Variants in DGKB observed in about 807,000 individuals in gnomAD.
DGKB encodes the protein diacylglycerol kinase beta.
In DGKB, 67 loss-of-function variants were observed where a neutral mutation model predicts 114.3. The observed-to-expected ratio is 0.59, with a 90% CI of 0.48 to 0.72. DGKB has a LOEUF of 0.72. DGKB is among the 30% of genes least tolerant of loss of function. The pLI is 0.00. For synonymous variants in DGKB, 398 were observed against 323.1 expected (o/e 1.23, Z -2.49); for missense variants, 907 against 975.2 (o/e 0.93, Z 0.93).
intron 17 of DGKB, among the ~76,000 whole-genome samples, chr7:14,587,178 G>A (rs1236332776): frequency 3.3e-5 from 5 of 152,064 alleles, no homozygotes; most frequent in Admixed American, 6.6e-5. Flanking sequence ...CAAAATATCA[G>A]CATTAACAAG....
intron 21 of DGKB, among the ~76,000 whole-genome samples, chr7:14,391,101 A>G (rs1821235376): frequency 1.3e-5 from 2 of 152,230 alleles, no homozygotes; most frequent in African/African-American, 4.8e-5. Flanking sequence ...TACGTTTGTT[A>G]ACTACACTTG....
Position 14,580,683 on chromosome 7 carries a change from C to T in DGKB, c.1609+179G>A, listed in dbSNP as rs554241258. 2.4e-3 allele frequency among the ~76,000 whole-genome samples: 369 copies of T among 152,270 alleles called. 1 individual carries two copies. The highest frequency in any genetic ancestry group is 0.01 in the Middle Eastern group (3 of 294). On this transcript the variant is annotated intron_variant, in intron 19 of 25. Coordinates refer to ENST00000402815, the MANE Select transcript of DGKB (RefSeq NM_001350709.2). ...CATTAAAACCCAATACCCATGGTCT[C>T]TTTTTTCCACTATTTGTTCTTCTAT...
At chr7:14,201,557 C>A (rs1405624796) in intron 23 of DGKB, among the ~76,000 whole-genome samples, 1 of 151,882 alleles carries the variant, frequency 6.6e-6, no homozygotes, top group Non-Finnish European at 1.5e-5. Context: ...GAAGGCATTG[C>A]AGTGGCCACC....
intron 23 of DGKB, among the ~76,000 whole-genome samples, chr7:14,214,791 A>C (rs543740664): frequency 6.6e-6 from 1 of 152,256 alleles, no homozygotes; most frequent in African/African-American, 2.4e-5. Flanking sequence ...AAATGCCCAA[A>C]CAGCTTCTTT....
At chr7:14,694,538 T>C (rs1823471242) in intron 8 of DGKB, among the ~76,000 whole-genome samples, 1 of 152,244 alleles carries the variant, frequency 6.6e-6, no homozygotes, top group South Asian at 2.1e-4. Flanking sequence ...CCAGAAAATG[T>C]CTGAACAAAT....
At chr7:14,186,531 G>A (rs143130452) in intron 23 of DGKB, among the ~76,000 whole-genome samples, 2 of 152,076 alleles carry the variant, frequency 1.3e-5, no homozygotes, top group East Asian at 1.9e-4. Flanking sequence ...TCTACACAAA[G>A]GAAAAGAAGT....
chr7:14,599,819 C>T (rs1357865), intron 17 of DGKB, among the ~76,000 whole-genome samples: 77,136 of 151,904 alleles, frequency 0.51, 19,989 homozygotes, highest in African/African-American at 0.6. Context: ...TATTGGTAAG[C>T]TATCATCAGT....
intron 1 of DGKB, among the ~76,000 whole-genome samples, chr7:14,902,133 G>A (rs1172201932): frequency 7.9e-5 from 12 of 152,108 alleles, no homozygotes; most frequent in Non-Finnish European, 1.2e-4. Context: ...AAGGTAAATC[G>A]AAGACTTTTG....
chr7:14,562,983 C>T (rs907118451), intron 20 of DGKB, among the ~76,000 whole-genome samples: 3 of 152,194 alleles, frequency 2.0e-5, no homozygotes, highest in Admixed American at 6.5e-5. Context: ...TAATAATGGC[C>T]ATGTGTTGTG....
chr7:14,748,292 G>T (rs186658992), intron 4 of DGKB, among the ~76,000 whole-genome samples: 1 of 152,160 alleles, frequency 6.6e-6, no homozygotes, highest in East Asian at 1.9e-4. Flanking sequence ...ATGTCTAATG[G>T]TATTAAATGC....
At chr7:14,191,295 A>G (rs1267527506) in intron 23 of DGKB, 1 of 154,774 alleles carries the variant, frequency 6.5e-6, no homozygotes, top group African/African-American at 2.4e-5. Context: ...GGTACAAAGA[A>G]TCATTGAGAA....
At chr7:14,601,292 T>C (rs1229319808) in intron 17 of DGKB, among the ~76,000 whole-genome samples, 2 of 152,108 alleles carry the variant, frequency 1.3e-5, no homozygotes, top group African/African-American at 4.8e-5. Context: ...ACAGGTGCTC[T>C]GAATCCCTCT....
chr7:14,367,911 C>T (rs942938511), intron 21 of DGKB, among the ~76,000 whole-genome samples: 5 of 151,964 alleles, frequency 3.3e-5, no homozygotes, highest in African/African-American at 1.2e-4. Context: ...CCATTCACCG[C>T]CCACCAGGTT....
intron 23 of DGKB, among the ~76,000 whole-genome samples, chr7:14,288,363 T>A (rs1387457867): frequency 2.7e-5 from 4 of 147,068 alleles, no homozygotes; most frequent in East Asian, 4.2e-4. Flanking sequence ...TGTTTATTTT[T>A]AAATAAATTT....
chr7:14,214,063 C>T (rs1036559714), intron 23 of DGKB, among the ~76,000 whole-genome samples: 2 of 152,048 alleles, frequency 1.3e-5, no homozygotes, highest in African/African-American at 4.8e-5. Flanking sequence ...ATCTCTGATG[C>T]CACCATCCTA....
rs542671984 is a variant in DGKB, at chr7:14,942,880, G to C, written c.-188+31816C>G. ...TATCATGAATTATTTTATTTTCATA[G>C]CACTTACTTAATTTGTCTCAAAGCC... On this transcript the variant is annotated intron_variant, in intron 1 of 4. Transcript: ENST00000437998. 2.6e-5 allele frequency among the ~76,000 whole-genome samples: 4 copies of C among 151,628 alleles called. No homozygotes were observed. In the East Asian group the frequency reaches 7.8e-4, roughly 29 times the overall value.
chr7:14,407,893 C>A (rs1365503675), intron 21 of DGKB, among the ~76,000 whole-genome samples: 3 of 151,994 alleles, frequency 2.0e-5, no homozygotes, highest in Admixed American at 6.6e-5. Flanking sequence ...TCAAAAAAAA[C>A]CATGATCCTC....
rs116656080 is a variant in DGKB at position 14,570,397 on chromosome 7, T to G, written c.1770+3815A>C. Among the ~76,000 whole-genome samples the G allele has an allele frequency of 3.9e-3, 595 of 152,166 alleles. 2 individuals carry two copies. The highest frequency in any genetic ancestry group is 0.013 in the African/African-American group (551 of 41,530). On this transcript the variant is annotated intron_variant, in intron 20 of 25. Transcript: ENST00000402815. ...CTTGACTTTTTGTATTTAAATACAA[T>G]TGACCCCTGAACAACATGGGAGTTA...
At chr7:14,708,845 C>T (rs1353453945) in intron 6 of DGKB, among the ~76,000 whole-genome samples, 1 of 149,740 alleles carries the variant, frequency 6.7e-6, no homozygotes, top group African/African-American at 2.5e-5. Flanking sequence ...AACGTTAGAC[C>T]TAAAACCATA....
Sources: allele counts gnomAD v4.1 joint callset (sites outside exome capture counted in the v4.1 genomes callset), GRCh38; gene constraint gnomAD v4.1.1; transcripts MANE v1.5; gene names NCBI Gene and HGNC (gene_info 2026-07-23, HGNC 2026-07-21).